NRG3: variants seen among roughly 807,000 people sequenced by gnomAD.
NRG3 encodes the protein neuregulin 3.
A neutral mutation model predicts 66.9 loss-of-function variants in NRG3; 31 were observed. The ratio of observed to expected loss-of-function variants is 0.46; its 90% CI spans 0.35 to 0.63. The LOEUF (loss-of-function observed/expected upper bound fraction) is 0.63, where lower values mean the gene tolerates loss of function less well. NRG3 is among the 20% of genes least tolerant of loss of function. NRG3 has a pLI of 0.00. For missense variants in NRG3, 910 were observed against 878.9 expected, an observed-to-expected ratio of 1.04 and a Z score of -0.45; for synonymous variants, 393 against 359.4, an observed-to-expected ratio of 1.09 and a Z score of -1.06.
chr10:82,676,288 T>TA (rs947503469), intron 2 of NRG3, among the ~76,000 whole-genome samples: 39 of 151,764 alleles, frequency 2.6e-4, no homozygotes, highest in African/African-American at 9.2e-4. Context: ...TTATGTTGAT[T>TA]AAAAAAAAAT....
At chr10:82,950,156 T>C (rs1465250666) in intron 4 of NRG3, among the ~76,000 whole-genome samples, 1 of 152,188 alleles carries the variant, frequency 6.6e-6, no homozygotes, top group Non-Finnish European at 1.5e-5. Context: ...GGCTCCAAGG[T>C]GACTCCAGTG....
intron 2 of NRG3, among the ~76,000 whole-genome samples, chr10:82,442,228 A>T (rs1399448682): frequency 6.6e-6 from 1 of 152,224 alleles, no homozygotes; most frequent in Admixed American, 6.5e-5. Context: ...ACTCTATGCT[A>T]GAGACACTAC....
intron 2 of NRG3, among the ~76,000 whole-genome samples, chr10:82,623,967 GCCCT>G (rs1426574941): frequency 6.6e-6 from 1 of 151,990 alleles, no homozygotes; most frequent in African/African-American, 2.4e-5. Flanking sequence ...ACTCCTCCTT[GCCCT>G]CCTCTGAATT....
chr10:82,612,811 A>C (rs2048393999), intron 2 of NRG3, among the ~76,000 whole-genome samples: 1 of 152,214 alleles, frequency 6.6e-6, no homozygotes, highest in African/African-American at 2.4e-5. Flanking sequence ...TCTTGTTTTG[A>C]GAATTTGACA....
intron 3 of NRG3, among the ~76,000 whole-genome samples, chr10:82,774,024 A>G (rs527901375): frequency 5.3e-5 from 8 of 152,264 alleles, no homozygotes; most frequent in East Asian, 1.9e-4. Context: ...CATATATTAA[A>G]CTGGCTTTGC....
intron 1 of NRG3, among the ~76,000 whole-genome samples, chr10:82,028,824 G>A (rs866482984): frequency 4.6e-5 from 7 of 152,066 alleles, no homozygotes; most frequent in Admixed American, 1.3e-4. Context: ...TGCTCACCCC[G>A]TAAGGATTTA....
At chr10:82,610,369 C>T (rs997592756) in intron 2 of NRG3, among the ~76,000 whole-genome samples, 4 of 152,008 alleles carry the variant, frequency 2.6e-5, no homozygotes, top group African/African-American at 9.7e-5. Flanking sequence ...TTCAGGGGAA[C>T]CATTCTGCCT....
At chr10:82,720,272 C>T (rs1189366690) in intron 2 of NRG3, among the ~76,000 whole-genome samples, 1 of 152,032 alleles carries the variant, frequency 6.6e-6, no homozygotes, top group East Asian at 1.9e-4. Flanking sequence ...TTCCTGTAAT[C>T]TCAGCTACTT....
At chr10:82,596,187 CAG>C (rs967599330) in intron 2 of NRG3, among the ~76,000 whole-genome samples, 4 of 152,134 alleles carry the variant, frequency 2.6e-5, no homozygotes, top group African/African-American at 9.7e-5. Context: ...TACAATCAGT[CAG>C]AGACAAAGAC....
intron 3 of NRG3, among the ~76,000 whole-genome samples, chr10:82,829,413 G>T (rs1415313918): frequency 6.6e-6 from 1 of 152,142 alleles, no homozygotes; most frequent in East Asian, 1.9e-4. Flanking sequence ...AGTTTCATTT[G>T]GGATTTGTAT....
chr10:82,662,424 G>T (rs934218090), intron 2 of NRG3, among the ~76,000 whole-genome samples: 1 of 151,854 alleles, frequency 6.6e-6, no homozygotes, highest in Non-Finnish European at 1.5e-5. Flanking sequence ...ATTAATAGAA[G>T]GTCTGGGGTA....
chr10:82,823,902 T>G (rs553377687), intron 3 of NRG3, among the ~76,000 whole-genome samples: 2 of 152,280 alleles, frequency 1.3e-5, no homozygotes, highest in South Asian at 4.1e-4. Context: ...TTTTTTAGCA[T>G]ATACATAAAA....
intron 2 of NRG3, among the ~76,000 whole-genome samples, chr10:82,385,230 C>T (rs779874956): frequency 4.6e-5 from 7 of 152,148 alleles, no homozygotes; most frequent in East Asian, 1.9e-4. Context: ...CACATGCATA[C>T]TTTGCAAAGT....
chr10:81,977,457 G>A (rs1021471463), intron 1 of NRG3, among the ~76,000 whole-genome samples: 1 of 152,158 alleles, frequency 6.6e-6, no homozygotes, highest in African/African-American at 2.4e-5. Context: ...TAGGCTTAAA[G>A]TAGACAATTT....
chr10:82,259,789 A>T (rs540183748), intron 1 of NRG3, among the ~76,000 whole-genome samples: 1 of 152,104 alleles, frequency 6.6e-6, no homozygotes, highest in African/African-American at 2.4e-5. Context: ...AATATTATCC[A>T]GGCATGGTGC....
At chr10:82,828,151 G>A (rs2062330568) in intron 3 of NRG3, among the ~76,000 whole-genome samples, 1 of 152,018 alleles carries the variant, frequency 6.6e-6, no homozygotes, top group Admixed American at 6.6e-5. Context: ...GTCATAGGAG[G>A]GTTCAGCCAA....
At chr10:82,579,108 G>A (rs1363876517) in intron 2 of NRG3, among the ~76,000 whole-genome samples, 1 of 151,416 alleles carries the variant, frequency 6.6e-6, no homozygotes, top group Non-Finnish European at 1.5e-5. Context: ...TCATGAAGAG[G>A]CAAAAAGGGT....
At chr10:82,778,378 C>T (rs1437994085) in intron 3 of NRG3, among the ~76,000 whole-genome samples, 1 of 152,150 alleles carries the variant, frequency 6.6e-6, no homozygotes, top group African/African-American at 2.4e-5. Context: ...TTCTGCATTG[C>T]TGGGGAGGCC....
At chr10:82,921,947 A>G (rs962377546) in intron 4 of NRG3, among the ~76,000 whole-genome samples, 1 of 152,182 alleles carries the variant, frequency 6.6e-6, no homozygotes, top group Non-Finnish European at 1.5e-5. Flanking sequence ...ATTCTTATTT[A>G]AAGATTTAAA....
Sources: allele counts gnomAD v4.1 joint callset (sites outside exome capture counted in the v4.1 genomes callset), GRCh38; gene constraint gnomAD v4.1.1; transcripts MANE v1.5; gene names NCBI Gene and HGNC (gene_info 2026-07-23, HGNC 2026-07-21).